The following GHR variants were observed in gnomAD, a reference collection of about 807,000 sequenced individuals.
The protein encoded by GHR is growth hormone receptor.
In GHR, 35 loss-of-function variants were observed where a neutral mutation model predicts 67.1. That is an observed-to-expected ratio of 0.52 (90% CI 0.40 to 0.69). The LOEUF (loss-of-function observed/expected upper bound fraction) is 0.69. GHR is among the 30% of genes least tolerant of loss of function. GHR has a pLI of 0.00. For synonymous variants in GHR, 272 were observed against 269.1 expected, an observed-to-expected ratio of 1.01 and a Z score of -0.10; for missense variants, 792 against 764.6, an observed-to-expected ratio of 1.04 and a Z score of -0.42.
chr5:42,564,879 T>C (rs1749836523), intron 1 of GHR, among the ~76,000 whole-genome samples: 1 of 152,164 alleles, frequency 6.6e-6, no homozygotes, highest in Admixed American at 6.5e-5. Flanking sequence ...TTTATGGAAA[T>C]GTTGCAGCTA....
In GHR at chr5:42,576,269, C is replaced by G. The variant is rs569770657; in HGVS notation, c.70+10325C>G. Among the ~76,000 whole-genome samples the G allele has an allele frequency of 3.2e-3, 485 of 151,904 alleles. 4 individuals are homozygous for G. Among genetic ancestry groups the G allele is most frequent in the African/African-American group, 0.011 (459 of 41,472 alleles). On this transcript the variant is annotated intron_variant, in intron 2 of 9. Coordinates refer to ENST00000230882, the MANE Select transcript of GHR (RefSeq NM_000163.5). ...GCCTCAGTTTTCTTATCTCTTAAGT[C>G]AGAGGAAAATGACTTGTTTAAAAAG...
At chr5:42,612,284 C>T (rs906881948) in intron 2 of GHR, among the ~76,000 whole-genome samples, 3 of 152,120 alleles carry the variant, frequency 2.0e-5, no homozygotes, top group African/African-American at 7.2e-5. Flanking sequence ...AAGTCTACAG[C>T]AGATGAAAAC....
intron 1 of GHR, among the ~76,000 whole-genome samples, chr5:42,442,006 C>T (rs1190197279): frequency 6.6e-6 from 1 of 152,162 alleles, no homozygotes; most frequent in Non-Finnish European, 1.5e-5. Context: ...GAGAGATGAT[C>T]TCTATCCTCT....
intron 2 of GHR, among the ~76,000 whole-genome samples, chr5:42,575,469 G>A (rs1750605307): frequency 6.6e-6 from 1 of 152,148 alleles, no homozygotes; most frequent in Non-Finnish European, 1.5e-5. Context: ...GGAAGGTAAA[G>A]AAACCAGACA....
intron 3 of GHR, among the ~76,000 whole-genome samples, chr5:42,686,295 G>T (rs1401931427): frequency 6.6e-6 from 1 of 152,026 alleles, no homozygotes; most frequent in Non-Finnish European, 1.5e-5. Flanking sequence ...TGTTCCATTG[G>T]TCTATATATC....
chr5:42,473,150 T>A (rs537515139), intron 1 of GHR, among the ~76,000 whole-genome samples: 1 of 152,190 alleles, frequency 6.6e-6, no homozygotes, highest in Non-Finnish European at 1.5e-5. Context: ...GAATTCACCC[T>A]AACTGGGTGA....
chr5:42,639,571 ATCTATGC>A (rs1754367671), intron 3 of GHR, among the ~76,000 whole-genome samples: 1 of 152,190 alleles, frequency 6.6e-6, no homozygotes, highest in Non-Finnish European at 1.5e-5. Flanking sequence ...TAGCAAATCC[ATCTATGC>A]TCTGTGTTGT....
At chr5:42,514,007 A>G in intron 1 of GHR, 1 of 554,914 alleles carries the variant, frequency 1.8e-6, no homozygotes, top group Non-Finnish European at 2.3e-6. Flanking sequence ...CTTTGAAAAA[A>G]TGATTTTATT....
intron 3 of GHR, among the ~76,000 whole-genome samples, chr5:42,670,512 A>G (rs1457987143): frequency 6.6e-6 from 1 of 152,224 alleles, no homozygotes; most frequent in African/African-American, 2.4e-5. Flanking sequence ...AAGCAAAAAT[A>G]GACAAATGGC....
intron 1 of GHR, among the ~76,000 whole-genome samples, chr5:42,442,230 T>C (rs958436035): frequency 1.1e-4 from 17 of 152,050 alleles, no homozygotes; most frequent in Non-Finnish European, 2.4e-4. Context: ...AGTTGGAATA[T>C]GAAAGGGAAT....
chr5:42,709,244 G>A (rs916078817), intron 6 of GHR, among the ~76,000 whole-genome samples: 3 of 152,094 alleles, frequency 2.0e-5, no homozygotes, highest in Non-Finnish European at 2.9e-5. Context: ...AGTGATTCTC[G>A]TGCCTCAGAC....
intron 4 of GHR, among the ~76,000 whole-genome samples, chr5:42,689,608 G>A (rs193175185): frequency 6.6e-6 from 1 of 152,220 alleles, no homozygotes; most frequent in Admixed American, 6.5e-5. Flanking sequence ...GAAATTGCAA[G>A]TACAAAGTCC....
intron 3 of GHR, among the ~76,000 whole-genome samples, chr5:42,637,935 G>GTTGT (rs141831785): frequency 0.069 from 10,554 of 151,990 alleles, 403 homozygotes; most frequent in Middle Eastern, 0.11. Flanking sequence ...CTATAATATG[G>GTTGT]TTGTTTGTTT....
intron 1 of GHR, chr5:42,467,746 T>C: frequency 6.4e-7 from 1 of 1,555,178 alleles, no homozygotes; most frequent in Non-Finnish European, 8.9e-7. Context: ...GTGGATTCTC[T>C]GATGCACAAC....
intron 1 of GHR, among the ~76,000 whole-genome samples, chr5:42,497,035 C>T (rs1272265401): frequency 6.6e-6 from 1 of 152,120 alleles, no homozygotes; most frequent in Non-Finnish European, 1.5e-5. Context: ...TCTGTTTGGG[C>T]CTTAAGTTCT....
rs955107299 is a variant in GHR at position 42,720,498 on chromosome 5, T to C, written c.*1074T>C. 2.6e-5 allele frequency: 4 copies of C among 152,214 alleles called. No homozygotes were observed. Among genetic ancestry groups the C allele is most frequent in the African/African-American group, 9.7e-5 (4 of 41,448 alleles). The allele number at this position is 152,214 out of a possible 1,614,324, so 9.4% of individuals were successfully genotyped here. A position where few individuals can be genotyped will look rare whatever the true frequency, so the allele number is the denominator to read the frequency against. On this transcript the variant is annotated 3_prime_UTR_variant, in exon 10 of 10. Transcript: ENST00000230882. The stretch of plus-strand genomic sequence containing the variant: ...GCAGCGGAATCTGTTCACACCCAAC[T>C]TGGTTTTGCTACATAATTATCCAGG...
intron 1 of GHR, among the ~76,000 whole-genome samples, chr5:42,479,357 G>A (rs1181935606): frequency 6.6e-6 from 1 of 152,096 alleles, no homozygotes; most frequent in Non-Finnish European, 1.5e-5. Context: ...TTTTTTGGTT[G>A]TGTCTCTGCC....
At chr5:42,533,312 AAT>A (rs889451186) in intron 1 of GHR, among the ~76,000 whole-genome samples, 70 of 151,996 alleles carry the variant, frequency 4.6e-4, no homozygotes, top group Admixed American at 1.8e-3. Flanking sequence ...GTGTGATCCT[AAT>A]ATGTGTCATA....
chr5:42,701,607 C>T (rs987763673), intron 6 of GHR, among the ~76,000 whole-genome samples: 6 of 152,076 alleles, frequency 3.9e-5, no homozygotes, highest in East Asian at 3.8e-4. Context: ...GCAAGCTTGT[C>T]GCTTCAAGAA....
Sources: gnomAD v4.1 joint callset for allele counts (sites outside exome capture counted in the v4.1 genomes callset) on GRCh38, gnomAD v4.1.1 for gene constraint, MANE v1.5 for transcripts, NCBI Gene and HGNC (gene_info 2026-07-23, HGNC 2026-07-21) for gene names.